The following POMGNT1 variants were observed in gnomAD, a reference collection of about 807,000 sequenced individuals.
POMGNT1 encodes protein O-linked-mannose beta-1,2-N-acetylglucosaminyltransferase 1.
In POMGNT1, 67 loss-of-function variants were observed where a neutral mutation model predicts 95.6. The observed-to-expected ratio is 0.70, with a 90% CI of 0.58 to 0.86. The LOEUF (loss-of-function observed/expected upper bound fraction) is 0.86, where lower values mean the gene tolerates loss of function less well. POMGNT1 is among the 40% of genes least tolerant of loss of function. POMGNT1 has a pLI of 0.00. For missense variants in POMGNT1, 719 were observed against 855.2 expected (o/e 0.84, Z 1.99); for synonymous variants, 298 against 317.9 (o/e 0.94, Z 0.66).
intron 1 of POMGNT1, among the ~76,000 whole-genome samples, chr1:46,211,440 C>CACACAT (rs3063980): frequency 0.42 from 38,551 of 91,350 alleles, 5,458 homozygotes; most frequent in Middle Eastern, 0.51. Flanking sequence ...TGAAAACCTG[C>CACACAT]ACACACACAC....
chr1:46,201,879 G>A (rs150840313), upstream of POMGNT1, among the ~76,000 whole-genome samples: 2 of 151,286 alleles, frequency 1.3e-5, no homozygotes, highest in Non-Finnish European at 1.5e-5. Context: ...GCATACTCCT[G>A]TAGTCACAGC....
At position 46,192,358 on chromosome 1, in the gene POMGNT1, T is replaced by G. The variant is rs762276464; in HGVS notation, c.1363A>C (p.Arg455=). The G allele has an allele frequency of 1.2e-6, 2 of 1,614,034 alleles. No individual in the cohort carries two copies. The highest frequency in any genetic ancestry group is 1.7e-5 in the Admixed American group (1 of 59,998). ...TMPGLGWVLR[R]SLYKEELEPK... ...TCAAGCTCCTCCTTGTACAAGGACC[T>G]CCTGAGCACCCAGCCCAGCCCAGGC... Residue 455 remains arginine (R), a synonymous_variant, in exon 16 of 22, where the codon AGG becomes CGG. Transcript: ENST00000371984.
chr1:46,203,973 C>T (rs1422952572), intron 1 of POMGNT1, among the ~76,000 whole-genome samples: 1 of 152,130 alleles, frequency 6.6e-6, no homozygotes, highest in Non-Finnish European at 1.5e-5. Flanking sequence ...GCCACCTATT[C>T]CCCGCCAGTC....
chr1:46,192,087 C>T lies in POMGNT1; in HGVS notation c.1539+11G>A. 1 of 1,612,846 alleles carries T rather than the reference C, an allele frequency of 6.2e-7. No homozygotes were observed. Among genetic ancestry groups the T allele is most frequent in the South Asian group, 1.1e-5 (1 of 91,010 alleles). On this transcript the variant is annotated intron_variant, in intron 17 of 21. Coordinates refer to ENST00000371984, the MANE Select transcript of POMGNT1 (RefSeq NM_017739.4). ...TGCCACACTGTGCCCTGCTCCCTGC[C>T]TCCCACTCACGTGAAAGTAGCCATT...
In POMGNT1 at chr1:46,189,587, G is replaced by A. The variant is rs1463155341; in HGVS notation, c.1786-20C>T. 7.5e-6 allele frequency: 12 copies of A among 1,601,894 alleles called. No individual in the cohort carries two copies. The highest frequency in any genetic ancestry group is 1.0e-5 in the Non-Finnish European group (12 of 1,173,496). On this transcript the variant is annotated intron_variant, in intron 20 of 21. Coordinates refer to ENST00000371984, the MANE Select transcript of POMGNT1 (RefSeq NM_017739.4). Reference sequence around the variant, plus strand: ...GAGGCACTAGTGAGGGTGGGATGGAGACAGAGACATGGGTCAGAGAGCTGT... The same window carrying A: ...GAGGCACTAGTGAGGGTGGGATGGAAACAGAGACATGGGTCAGAGAGCTGT...
At chr1:46,214,886 AAG>A (rs1553165671) in intron 1 of POMGNT1, among the ~76,000 whole-genome samples, 7 of 151,064 alleles carry the variant, frequency 4.6e-5, no homozygotes, top group African/African-American at 1.2e-4. Context: ...AAAAAAAAAA[AAG>A]AGGAGTTGAT....
In POMGNT1 at chr1:46,197,101, G is replaced by A; in HGVS notation, c.121-17C>T. 1.2e-6 allele frequency: 2 copies of A among 1,614,084 alleles called. No homozygotes were observed. Among genetic ancestry groups the A allele is most frequent in the Non-Finnish European group, 1.7e-6 (2 of 1,180,004 alleles). On this transcript the variant is annotated splice_polypyrimidine_tract_variant and intron_variant, in intron 2 of 21. Coordinates refer to ENST00000371984, the MANE Select transcript of POMGNT1 (RefSeq NM_017739.4). ...GGCCCCTGTCTGAGGGGAGGGGTAG[G>A]GATGATTAAGAGGAGCACCTCCTTC... is the stretch of plus-strand genomic sequence containing the variant.
intron 1 of POMGNT1, among the ~76,000 whole-genome samples, chr1:46,216,432 C>G (rs936979073): frequency 1.3e-5 from 2 of 152,092 alleles, no homozygotes; most frequent in Admixed American, 6.6e-5. Flanking sequence ...GCCTTGACCC[C>G]CCAGGCTCAA....
chr1:46,198,597 C>G (rs1408749007), upstream of POMGNT1, among the ~76,000 whole-genome samples: 1 of 152,118 alleles, frequency 6.6e-6, no homozygotes, highest in African/African-American at 2.4e-5. Flanking sequence ...ATGCTCAGAC[C>G]GTGCTAGGCA....
intron 13 of POMGNT1, 23 bp from the exon 14 acceptor site, chr1:46,192,981 TGGTCCCAAA>T: frequency 1.2e-6 from 2 of 1,613,488 alleles, no homozygotes; most frequent in Non-Finnish European, 1.7e-6. Flanking sequence ...TGGGACATCA[TGGTCCCAAA>T]GGGGTCTCTC....
chr1:46,194,681 G>C, intron 7 of POMGNT1, 30 bp from the exon 8 acceptor site: 2 of 1,614,242 alleles, frequency 1.2e-6, no homozygotes, highest in Non-Finnish European at 1.7e-6. Context: ...AGGGCCATGG[G>C]GGCCCAGACA....
chr1:46,211,006 C>T (rs1290195816), intron 1 of POMGNT1, among the ~76,000 whole-genome samples: 2 of 151,172 alleles, frequency 1.3e-5, no homozygotes, highest in African/African-American at 4.9e-5. Context: ...TCTTGAACTC[C>T]TGGGATCAAG....
At chr1:46,194,169 T>C (rs1398614402) in intron 9 of POMGNT1, 105 bp downstream of exon 9, 1 of 1,600,288 alleles carries the variant, frequency 6.2e-7, no homozygotes, top group Admixed American at 1.7e-5. Context: ...TGCCCCTGGT[T>C]CTCTCCCAGG....
chr1:46,188,852 T>G lies in POMGNT1; in HGVS notation c.*418A>C. ...TGTCCATGGGTTGGGCACAGCAGTT[T>G]CCTGAGTAAGAGCCAGCCCCACCCT... On this transcript the variant is annotated 3_prime_UTR_variant, in exon 22 of 22. Transcript: ENST00000371984. The G allele has an allele frequency of 6.2e-7, 1 of 1,612,862 alleles. No individual in the cohort carries two copies. Among genetic ancestry groups the G allele is most frequent in the Non-Finnish European group, 8.5e-7 (1 of 1,179,882 alleles).
At chr1:46,216,495 C>T (rs1435893094) in intron 1 of POMGNT1, among the ~76,000 whole-genome samples, 2 of 152,112 alleles carry the variant, frequency 1.3e-5, no homozygotes, top group Non-Finnish European at 2.9e-5. Context: ...GCACATACCA[C>T]CACACCTGAC....
At chr1:46,208,993 C>G (rs984614286) in intron 1 of POMGNT1, among the ~76,000 whole-genome samples, 9 of 152,126 alleles carry the variant, frequency 5.9e-5, no homozygotes, top group African/African-American at 2.2e-4. Context: ...TGCTCAGTCC[C>G]GAGCCAGCAG....
chr1:46,194,611 G>A lies in POMGNT1; in HGVS notation c.693C>T (p.Leu231=), dbSNP rs1341096609. The change falls in exon 8 of 22, where the codon CTC becomes CTT. Residue 231 remains leucine (L), a synonymous_variant. Transcript: ENST00000371984. ...GCAGGACTGGGTCCCCCCAGGAAGA[G>A]AGGGCAGGTGATTTAGAATGTTTCT... ...FGEKHSKSPA[L]SSWGDPVLLK... The A allele has an allele frequency of 1.9e-6, 3 of 1,614,212 alleles. No individual in the cohort carries two copies. Among genetic ancestry groups the A allele is most frequent in the Non-Finnish European group, 8.5e-7 (1 of 1,180,026 alleles).
intron 1 of POMGNT1, among the ~76,000 whole-genome samples, chr1:46,213,788 T>C (rs1658976967): frequency 1.3e-5 from 2 of 151,950 alleles, no homozygotes; most frequent in Admixed American, 1.3e-4. Context: ...ACTTGGCTCC[T>C]AGGATACTGA....
chr1:46,195,576 G>A (rs1394763506), intron 6 of POMGNT1: 3 of 589,246 alleles, frequency 5.1e-6, no homozygotes, highest in Non-Finnish European at 9.4e-6. Flanking sequence ...CATGAGGGTG[G>A]GGACTCTGTC....
Sources: gnomAD v4.1 joint callset for allele counts (sites outside exome capture counted in the v4.1 genomes callset) on GRCh38, gnomAD v4.1.1 for gene constraint, MANE v1.5 for transcripts, NCBI Gene and HGNC (gene_info 2026-07-23, HGNC 2026-07-21) for gene names.